NRG1: variants seen among roughly 807,000 people sequenced by gnomAD.
The protein encoded by NRG1 is neuregulin 1.
A neutral mutation model predicts 63.8 loss-of-function variants in NRG1; 18 were observed. That is an observed-to-expected ratio of 0.28 (90% confidence interval 0.19 to 0.42). NRG1 has a LOEUF of 0.42. Among genes scored for constraint, NRG1 ranks in the 10% least tolerant of loss-of-function variants. The pLI, the probability that NRG1 is intolerant of heterozygous loss-of-function variation, is 1.00. For synonymous variants in NRG1, 302 were observed against 301.3 expected (o/e 1.00, Z -0.02); for missense variants, 762 against 814.7 (o/e 0.94, Z 0.79).
intron 1 of NRG1, among the ~76,000 whole-genome samples, chr8:32,064,840 CA>C (rs1309120690): frequency 1.3e-5 from 2 of 152,004 alleles, no homozygotes; most frequent in Non-Finnish European, 2.9e-5. Context: ...GTACCTATTA[CA>C]TAACAGTCAT....
chr8:32,513,232 A>G (rs1829428609), intron 1 of NRG1, among the ~76,000 whole-genome samples: 1 of 151,248 alleles, frequency 6.6e-6, no homozygotes, highest in African/African-American at 2.4e-5. Context: ...TGTATAAAAA[A>G]TCTTTTTAGT....
intron 1 of NRG1, among the ~76,000 whole-genome samples, chr8:32,157,381 G>C (rs964819348): frequency 7.4e-6 from 1 of 134,820 alleles, no homozygotes; most frequent in African/African-American, 3.0e-5. Context: ...AAAAAAAAAG[G>C]CCGGGCATGG....
At chr8:32,135,811 C>T (rs1252640982) in intron 1 of NRG1, among the ~76,000 whole-genome samples, 1 of 151,828 alleles carries the variant, frequency 6.6e-6, no homozygotes, top group Non-Finnish European at 1.5e-5. Context: ...TATGAAATCA[C>T]CTAAATAGTA....
chr8:32,129,023 TAGC>T (rs1834459807), intron 1 of NRG1, among the ~76,000 whole-genome samples: 1 of 151,962 alleles, frequency 6.6e-6, no homozygotes, highest in South Asian at 2.1e-4. Flanking sequence ...GGCCCTCTAT[TAGC>T]AGCCTCTGAT....
chr8:32,637,354 CTA>C, intron 5 of NRG1, among the ~76,000 whole-genome samples: 1 of 152,190 alleles, frequency 6.6e-6, no homozygotes, highest in Middle Eastern at 3.4e-3. Flanking sequence ...ATGGATTATG[CTA>C]TCAAATAGAA....
chr8:31,744,214 A>G (rs1053204014), intron 1 of NRG1, among the ~76,000 whole-genome samples: 7 of 151,900 alleles, frequency 4.6e-5, no homozygotes, highest in Non-Finnish European at 8.8e-5. Context: ...CTGTTTGTCT[A>G]CTTGTCCTGA....
intron 1 of NRG1, among the ~76,000 whole-genome samples, chr8:32,363,936 T>C (rs1241257203): frequency 1.3e-5 from 2 of 152,034 alleles, no homozygotes; most frequent in East Asian, 3.9e-4. Flanking sequence ...TATAACTATA[T>C]ACTTGTGTTA....
chr8:32,417,500 C>T (rs1457094037), intron 1 of NRG1, among the ~76,000 whole-genome samples: 1 of 152,026 alleles, frequency 6.6e-6, no homozygotes, highest in African/African-American at 2.4e-5. Flanking sequence ...CTTGGGAGAC[C>T]TGTGTGACCT....
intron 1 of NRG1, among the ~76,000 whole-genome samples, chr8:32,104,144 C>A (rs1231270620): frequency 1.3e-5 from 2 of 152,132 alleles, no homozygotes; most frequent in Non-Finnish European, 2.9e-5. Context: ...GCAAAACATA[C>A]TACAGACATA....
chr8:32,734,049 G>A (rs1032741911), intron 6 of NRG1, among the ~76,000 whole-genome samples: 5 of 152,200 alleles, frequency 3.3e-5, no homozygotes, highest in African/African-American at 1.2e-4. Flanking sequence ...TTTGGGTATT[G>A]TAATAGCTAA....
chr8:32,514,470 C>G (rs563192238), intron 1 of NRG1, among the ~76,000 whole-genome samples: 1 of 152,218 alleles, frequency 6.6e-6, no homozygotes, highest in East Asian at 1.9e-4. Context: ...ATGTAACATA[C>G]AACAAATGTT....
chr8:32,127,456 C>G (rs2060572282), intron 1 of NRG1, among the ~76,000 whole-genome samples: 1 of 151,592 alleles, frequency 6.6e-6, no homozygotes, highest in Non-Finnish European at 1.5e-5. Flanking sequence ...AGTTTAGCCC[C>G]TTTCATAAAT....
chr8:32,111,161 G>C (rs1400439181), intron 1 of NRG1, among the ~76,000 whole-genome samples: 1 of 151,974 alleles, frequency 6.6e-6, no homozygotes, highest in South Asian at 2.1e-4. Flanking sequence ...CTGTCACCCA[G>C]GCTGGAGTGC....
chr8:32,470,777 A>C (rs1823742952), intron 1 of NRG1, among the ~76,000 whole-genome samples: 1 of 149,736 alleles, frequency 6.7e-6, no homozygotes, highest in African/African-American at 2.5e-5. Context: ...TTTGCAACCC[A>C]CCGTCTCCCT....
chr8:32,587,423 A>G (rs1841810911), intron 1 of NRG1, among the ~76,000 whole-genome samples: 1 of 152,188 alleles, frequency 6.6e-6, no homozygotes, highest in Non-Finnish European at 1.5e-5. Flanking sequence ...GAAAACTTCA[A>G]AGTAAAGATA....
chr8:32,078,208 T>C (rs906627960), intron 1 of NRG1, among the ~76,000 whole-genome samples: 5 of 152,176 alleles, frequency 3.3e-5, no homozygotes, highest in Admixed American at 1.3e-4. Context: ...TCCCTCCCAG[T>C]GGTAATGAGT....
intron 1 of NRG1, among the ~76,000 whole-genome samples, chr8:31,910,813 T>C (rs1585685211): frequency 6.6e-6 from 1 of 152,058 alleles, no homozygotes; most frequent in Admixed American, 6.6e-5. Context: ...AAGTCAGCAA[T>C]GTGAAGGGAA....
At chr8:31,855,111 G>A (rs1827710799) in intron 1 of NRG1, among the ~76,000 whole-genome samples, 1 of 151,990 alleles carries the variant, frequency 6.6e-6, no homozygotes, top group Non-Finnish European at 1.5e-5. Flanking sequence ...GGAGAGTTCT[G>A]TAGATGTCTA....
At chr8:32,286,210 C>A (rs923928237) in intron 1 of NRG1, among the ~76,000 whole-genome samples, 2 of 152,174 alleles carry the variant, frequency 1.3e-5, no homozygotes, top group African/African-American at 4.8e-5. Flanking sequence ...AAACACATCA[C>A]CTGAAAATTA....
Sources: gnomAD v4.1 joint callset for allele counts (sites outside exome capture counted in the v4.1 genomes callset) on GRCh38, gnomAD v4.1.1 for gene constraint, MANE v1.5 for transcripts, NCBI Gene and HGNC (gene_info 2026-07-23, HGNC 2026-07-21) for gene names.